Variants in CTNNA3 observed in about 807,000 individuals in gnomAD.
The protein encoded by CTNNA3 is catenin alpha 3, also known as catenin alpha-3.
A neutral mutation model predicts 95.7 loss-of-function variants in CTNNA3; 76 were observed. The ratio of observed to expected loss-of-function variants is 0.79; its 90% CI spans 0.66 to 0.96. CTNNA3 has a LOEUF of 0.96. Among genes scored for constraint, CTNNA3 ranks in the 40% least tolerant of loss-of-function variants. CTNNA3 has a pLI of 0.00. For missense variants in CTNNA3, 1,191 were observed against 1,089.8 expected, an observed-to-expected ratio of 1.09 and a Z score of -1.31; for synonymous variants, 431 against 374.4, an observed-to-expected ratio of 1.15 and a Z score of -1.74.
intron 5 of CTNNA3, among the ~76,000 whole-genome samples, chr10:67,509,909 T>C (rs1002223876): frequency 6.6e-6 from 1 of 152,190 alleles, no homozygotes; most frequent in Non-Finnish European, 1.5e-5. Flanking sequence ...TGGTATCTCA[T>C]TGTGATTTTG....
intron 7 of CTNNA3, among the ~76,000 whole-genome samples, chr10:67,178,811 G>GT (rs1371575474): frequency 5.3e-5 from 8 of 151,954 alleles, no homozygotes; most frequent in Non-Finnish European, 1.0e-4. Context: ...TATCTTCTAA[G>GT]TTTTTTATGA....
At chr10:66,827,852 T>C (rs1842571010) in intron 7 of CTNNA3, among the ~76,000 whole-genome samples, 2 of 152,192 alleles carry the variant, frequency 1.3e-5, no homozygotes. Flanking sequence ...AGTAACTTGG[T>C]AGACATAAAA....
chr10:66,254,497 A>G (rs920495506), intron 13 of CTNNA3, among the ~76,000 whole-genome samples: 1 of 152,100 alleles, frequency 6.6e-6, no homozygotes, highest in Non-Finnish European at 1.5e-5. Context: ...AGGAAAATCC[A>G]CCGCTTCACA....
chr10:66,970,525 A>G (rs953460167), intron 7 of CTNNA3, among the ~76,000 whole-genome samples: 1 of 150,570 alleles, frequency 6.6e-6, no homozygotes, highest in African/African-American at 2.4e-5. Flanking sequence ...CAATTCTTCT[A>G]TTAGGGAAAT....
chr10:67,314,069 G>T (rs1483354131), intron 5 of CTNNA3, among the ~76,000 whole-genome samples: 1 of 152,130 alleles, frequency 6.6e-6, no homozygotes, highest in Non-Finnish European at 1.5e-5. Context: ...AAGATAAACA[G>T]CAAGTATTTG....
rs545219635 is a variant in CTNNA3, at chr10:67,372,180, C to G, written c.579+149662G>C. Among the ~76,000 whole-genome samples the G allele has an allele frequency of 2.0e-5, 3 of 152,166 alleles. No individual in the cohort carries two copies. In the East Asian group the frequency reaches 5.8e-4, roughly 29 times the overall value. ...AATTTTCTCCCATTCTGTAGGTTGCCTATTCACTCTGATGGTATTTTCTTT... is the reference window on the plus strand; with the variant it reads ...AATTTTCTCCCATTCTGTAGGTTGCGTATTCACTCTGATGGTATTTTCTTT... On this transcript the variant is annotated intron_variant, in intron 5 of 17. Transcript: ENST00000433211.
chr10:67,730,579 G>A (rs904262530), intron 1 of CTNNA3, among the ~76,000 whole-genome samples: 4 of 152,186 alleles, frequency 2.6e-5, no homozygotes, highest in Middle Eastern at 3.4e-3. Context: ...AGAACTGAAG[G>A]GAGATCCCAG....
chr10:67,696,590 G>C (rs1840968617), upstream of CTNNA3, among the ~76,000 whole-genome samples: 1 of 151,906 alleles, frequency 6.6e-6, no homozygotes, highest in South Asian at 2.1e-4. Flanking sequence ...CTCATCCCTT[G>C]TACCAAGCAT....
At chr10:66,710,842 C>T (rs898752315) in intron 9 of CTNNA3, among the ~76,000 whole-genome samples, 7 of 151,852 alleles carry the variant, frequency 4.6e-5, no homozygotes, top group Non-Finnish European at 7.4e-5. Context: ...AAAACTTTGT[C>T]ATGCGCTTGT....
At chr10:66,785,162 T>C (rs912161354) in intron 7 of CTNNA3, among the ~76,000 whole-genome samples, 1 of 152,154 alleles carries the variant, frequency 6.6e-6, no homozygotes, top group Non-Finnish European at 1.5e-5. Context: ...TAGAAACATC[T>C]GGATTTCATA....
At chr10:67,303,791 T>C (rs1232810641) in intron 5 of CTNNA3, among the ~76,000 whole-genome samples, 3 of 152,110 alleles carry the variant, frequency 2.0e-5, no homozygotes, top group Non-Finnish European at 4.4e-5. Flanking sequence ...GATATTTAAG[T>C]CTCTCCTTGT....
rs149983497 is a variant in CTNNA3, at chr10:66,459,078, A to T, written c.1531+61539T>A. Among the ~76,000 whole-genome samples, 154 of 152,288 alleles carry T rather than the reference A, an allele frequency of 1.0e-3. 1 individual carries two copies. Among genetic ancestry groups the T allele is most frequent in the African/African-American group, 3.4e-3 (140 of 41,574 alleles). On this transcript the variant is annotated intron_variant, in intron 11 of 17. Coordinates refer to ENST00000433211, the MANE Select transcript of CTNNA3 (RefSeq NM_013266.4). ...ATCTTCTCCCAGAGACAGCAAGACC[A>T]GCTCCTCATCTTTGTCCTCCTCCTT...
intron 13 of CTNNA3, among the ~76,000 whole-genome samples, chr10:66,110,790 T>C (rs1012450410): frequency 6.6e-6 from 1 of 152,176 alleles, no homozygotes; most frequent in Non-Finnish European, 1.5e-5. Flanking sequence ...TCCTGAGAAA[T>C]GTGTCATTAT....
intron 9 of CTNNA3, among the ~76,000 whole-genome samples, chr10:66,640,227 A>T (rs1180568013): frequency 6.6e-6 from 1 of 152,046 alleles, no homozygotes; most frequent in Non-Finnish European, 1.5e-5. Flanking sequence ...TCCTCTTCAT[A>T]TTGGATACAT....
chr10:66,523,364 A>G (rs1003279602), intron 10 of CTNNA3, among the ~76,000 whole-genome samples: 1 of 152,172 alleles, frequency 6.6e-6, no homozygotes, highest in African/African-American at 2.4e-5. Context: ...GATCCAATTT[A>G]TCTGATTCAA....
chr10:67,272,280 G>A (rs1194041567), intron 5 of CTNNA3, among the ~76,000 whole-genome samples: 3 of 152,216 alleles, frequency 2.0e-5, no homozygotes, highest in South Asian at 2.1e-4. Flanking sequence ...GGCTGGGCAC[G>A]GTTGTTCATG....
chr10:67,377,943 A>G (rs1249372580), intron 5 of CTNNA3, among the ~76,000 whole-genome samples: 1 of 152,014 alleles, frequency 6.6e-6, no homozygotes, highest in African/African-American at 2.4e-5. Context: ...GTAGTAGCAC[A>G]ATCATAGCTC....
chr10:66,941,116 G>A (rs752932190), intron 7 of CTNNA3, among the ~76,000 whole-genome samples: 4 of 152,196 alleles, frequency 2.6e-5, no homozygotes, highest in Non-Finnish European at 5.9e-5. Flanking sequence ...TACTTTACAA[G>A]GCAGACAGCT....
At chr10:66,344,451 G>A (rs1236315853) in intron 12 of CTNNA3, among the ~76,000 whole-genome samples, 3 of 150,972 alleles carry the variant, frequency 2.0e-5, no homozygotes, top group Admixed American at 6.6e-5. Flanking sequence ...ATTTGTAGTA[G>A]AGACAGGGTT....
Sources: gnomAD v4.1 joint callset for allele counts (sites outside exome capture counted in the v4.1 genomes callset) on GRCh38, gnomAD v4.1.1 for gene constraint, MANE v1.5 for transcripts, NCBI Gene and HGNC (gene_info 2026-07-23, HGNC 2026-07-21) for gene names.